NTM: variants seen among roughly 807,000 people sequenced by gnomAD.
NTM encodes the protein IgLON family member 2.
A neutral mutation model predicts 42.1 loss-of-function variants in NTM; 13 were observed. The ratio of observed to expected loss-of-function variants is 0.31; its 90% CI spans 0.20 to 0.49. NTM has a LOEUF of 0.49. Ranked by LOEUF, NTM falls within the 20% of genes least tolerant of loss-of-function variation. NTM has a pLI of 0.99. For synonymous variants in NTM, 187 were observed against 179.2 expected (o/e 1.04, Z -0.35); for missense variants, 373 against 452.8 (o/e 0.82, Z 1.60).
intron 1 of NTM, among the ~76,000 whole-genome samples, chr11:131,560,970 T>C (rs941655251): frequency 1.3e-5 from 2 of 152,156 alleles, no homozygotes; most frequent in East Asian, 1.9e-4. Flanking sequence ...TACCTACACA[T>C]AGGGCAGCAA....
In NTM at chr11:131,723,365, G is replaced by A. The variant is rs550953602; in HGVS notation, c.83-188199G>A. ...ACTACAGATCCTCTTCCGCTCAAGC[G>A]ATGTAGATTACGCAGCAGCTGGACC... On this transcript the variant is annotated intron_variant, in intron 1 of 8. Transcript: ENST00000683400. 8.5e-5 allele frequency among the ~76,000 whole-genome samples: 13 copies of A among 152,356 alleles called. No individual in the cohort carries two copies. The East Asian group carries it at 1.9e-3, about 23-fold the overall frequency.
intron 1 of NTM, among the ~76,000 whole-genome samples, chr11:131,426,307 TC>T (rs1429989893): frequency 6.6e-6 from 1 of 152,052 alleles, no homozygotes; most frequent in Non-Finnish European, 1.5e-5. Flanking sequence ...GAAATCCTGC[TC>T]CAGGACAGTG....
At chr11:132,181,444 T>A (rs1328388495) in intron 3 of NTM, among the ~76,000 whole-genome samples, 1 of 152,244 alleles carries the variant, frequency 6.6e-6, no homozygotes, top group Non-Finnish European at 1.5e-5. Context: ...TTTTATGTCC[T>A]GCAGACAACT....
At chr11:131,739,004 G>T (rs2080845231) in intron 1 of NTM, among the ~76,000 whole-genome samples, 1 of 152,124 alleles carries the variant, frequency 6.6e-6, no homozygotes, top group Non-Finnish European at 1.5e-5. Flanking sequence ...CTGCAGCTTT[G>T]TCACTGGCCC....
chr11:131,704,370 T>G (rs1372398218), intron 1 of NTM, among the ~76,000 whole-genome samples: 1 of 152,186 alleles, frequency 6.6e-6, no homozygotes, highest in Non-Finnish European at 1.5e-5. Flanking sequence ...CCAGGCTCAT[T>G]CATCCACTGA....
At chr11:131,667,964 C>G (rs188512506) in intron 1 of NTM, among the ~76,000 whole-genome samples, 2 of 152,170 alleles carry the variant, frequency 1.3e-5, no homozygotes, top group African/African-American at 2.4e-5. Flanking sequence ...TCATAGTTGC[C>G]ACACACTGTG....
intron 2 of NTM, among the ~76,000 whole-genome samples, chr11:132,083,922 T>C (rs995198840): frequency 2.0e-5 from 3 of 152,026 alleles, no homozygotes; most frequent in African/African-American, 2.4e-5. Context: ...TATTAAAGAC[T>C]TTAAATAGTT....
At chr11:132,177,074 TCTC>T (rs751558168) in intron 3 of NTM, among the ~76,000 whole-genome samples, 46 of 152,116 alleles carry the variant, frequency 3.0e-4, no homozygotes, top group Admixed American at 7.2e-4. Flanking sequence ...TACTCAAACT[TCTC>T]CTTGACACAT....
intron 1 of NTM, among the ~76,000 whole-genome samples, chr11:131,395,930 TCCCAAGG>T (rs1331062267): frequency 1.3e-5 from 2 of 152,168 alleles, no homozygotes; most frequent in African/African-American, 4.8e-5. Flanking sequence ...ACCTTTGGCC[TCCCAAGG>T]CTCAAGCAAC....
chr11:131,598,719 CTTTCTTTCTTT>C (rs1244269811), intron 1 of NTM, among the ~76,000 whole-genome samples: 3 of 89,704 alleles, frequency 3.3e-5, no homozygotes, highest in Non-Finnish European at 7.2e-5. Context: ...TTCTTTCTTT[CTTTCTTTCTTT>C]CTTTCTTTCT....
chr11:131,598,739 C>G lies in NTM; in HGVS notation c.82+227851C>G, dbSNP rs549770914. On this transcript the variant is annotated intron_variant, in intron 1 of 8. Transcript: ENST00000683400. ...TCTTTCTTTCTTTCTTTCTTTCTTT[C>G]TTTCTTTCTTTCTTTCTTCTTTCTT... is the stretch of plus-strand genomic sequence containing the variant. Among the ~76,000 whole-genome samples, 49 of 85,274 alleles carry G rather than the reference C, an allele frequency of 5.7e-4. 4 individuals are homozygous for G. The highest frequency in any genetic ancestry group is 1.7e-3 in the African/African-American group (42 of 25,392). The allele number at this position is 85,274 out of a possible 152,430, so 55.9% of individuals were successfully genotyped here. A position where few individuals can be genotyped will look rare whatever the true frequency, so the allele number is the denominator to read the frequency against.
At chr11:131,728,136 GC>G (rs145245600) in intron 1 of NTM, among the ~76,000 whole-genome samples, 4,159 of 152,236 alleles carry the variant, frequency 0.027, 193 homozygotes, top group African/African-American at 0.095. Flanking sequence ...GCAACCAATT[GC>G]ACAGCAGACA....
At chr11:131,757,185 T>C (rs1432014192) in intron 1 of NTM, among the ~76,000 whole-genome samples, 1 of 152,226 alleles carries the variant, frequency 6.6e-6, no homozygotes, top group Non-Finnish European at 1.5e-5. Context: ...GTGCAGTGAC[T>C]CCAGCTCCTT....
At chr11:131,471,557 A>G (rs548288068) in intron 1 of NTM, among the ~76,000 whole-genome samples, 3 of 152,214 alleles carry the variant, frequency 2.0e-5, no homozygotes, top group Non-Finnish European at 4.4e-5. Context: ...GGTGGCCGTG[A>G]GGGAATTAGT....
intron 4 of NTM, among the ~76,000 whole-genome samples, chr11:132,227,775 G>A (rs907875938): frequency 6.6e-6 from 1 of 152,140 alleles, no homozygotes; most frequent in Non-Finnish European, 1.5e-5. Flanking sequence ...GACACTAGGT[G>A]CTTTGTCTGG....
chr11:131,950,431 C>T (rs895660026), intron 2 of NTM, among the ~76,000 whole-genome samples: 8 of 152,194 alleles, frequency 5.3e-5, no homozygotes, highest in African/African-American at 1.9e-4. Flanking sequence ...CCAGGCAGTT[C>T]ACCTGCCTCA....
In NTM at chr11:132,255,450, C is replaced by T. The variant is rs79587442; in HGVS notation, c.526+43303C>T. On this transcript the variant is annotated intron_variant, in intron 4 of 8. Transcript: ENST00000683400. ...CCCTCAGAAAGGTCAAGGTGTCACT[C>T]GGCTGCTCGAGGGAACTCTGCTTCT... is the stretch of plus-strand genomic sequence containing the variant. Among the ~76,000 whole-genome samples, 358 of 152,278 alleles carry T rather than the reference C, an allele frequency of 2.4e-3. 1 individual carries two copies. Among genetic ancestry groups the T allele is most frequent in the African/African-American group, 7.9e-3 (330 of 41,570 alleles).
At chr11:131,901,567 G>A (rs953093554) in intron 1 of NTM, among the ~76,000 whole-genome samples, 1 of 151,784 alleles carries the variant, frequency 6.6e-6, no homozygotes, top group African/African-American at 2.4e-5. Flanking sequence ...CTGTCCCTTG[G>A]GGAATCTAGT....
chr11:131,840,246 G>A (rs1250923038), intron 1 of NTM, among the ~76,000 whole-genome samples: 5 of 152,272 alleles, frequency 3.3e-5, no homozygotes, highest in East Asian at 3.9e-4. Context: ...AAGGAAAAAC[G>A]CCTAAGGATT....
Sources: gnomAD v4.1 joint callset for allele counts (sites outside exome capture counted in the v4.1 genomes callset) on GRCh38, gnomAD v4.1.1 for gene constraint, MANE v1.5 for transcripts, NCBI Gene and HGNC (gene_info 2026-07-23, HGNC 2026-07-21) for gene names.